The following EDIL3 variants were observed in gnomAD, a reference collection of about 807,000 sequenced individuals.
EDIL3 encodes EGF-like repeat and discoidin I-like domain-containing protein 3.
Under a neutral mutation model 67.4 loss-of-function variants are expected in EDIL3, and 37 were observed. That is an observed-to-expected ratio of 0.55 (90% CI 0.42 to 0.72). EDIL3 has a LOEUF of 0.72. Ranked by LOEUF, EDIL3 falls within the 30% of genes least tolerant of loss-of-function variation. The probability of loss-of-function intolerance (pLI) is 0.00; values close to 1 mark genes in which losing one functional copy is unlikely to be tolerated. For synonymous variants in EDIL3, 195 were observed against 196.3 expected, an observed-to-expected ratio of 0.99 and a Z score of 0.05; for missense variants, 527 against 586.3, an observed-to-expected ratio of 0.90 and a Z score of 1.04.
At chr5:84,212,838 A>C (rs1012898085) in intron 3 of EDIL3, among the ~76,000 whole-genome samples, 33 of 152,182 alleles carry the variant, frequency 2.2e-4, no homozygotes, top group African/African-American at 8.0e-4. Context: ...ATGGAGGGAA[A>C]GGAAAGAATG....
intron 9 of EDIL3, among the ~76,000 whole-genome samples, chr5:83,998,871 G>A (rs1745278724): frequency 6.6e-6 from 1 of 152,166 alleles, no homozygotes; most frequent in Admixed American, 6.5e-5. Context: ...ACCCAGCACT[G>A]TCCCAGTGGT....
intron 5 of EDIL3, among the ~76,000 whole-genome samples, chr5:84,110,665 G>T (rs1232612534): frequency 2.0e-5 from 3 of 152,180 alleles, no homozygotes; most frequent in Non-Finnish European, 4.4e-5. Context: ...TAGAAAAATT[G>T]TGAGGATGGA....
intron 4 of EDIL3, among the ~76,000 whole-genome samples, chr5:84,176,210 T>TATATA (rs1257501977): frequency 3.7e-4 from 14 of 37,792 alleles, no homozygotes; most frequent in Admixed American, 1.1e-3. Flanking sequence ...TATATATATA[T>TATATA]ATATATATAT....
chr5:83,957,365 C>T (rs1019174345), intron 10 of EDIL3, among the ~76,000 whole-genome samples: 3 of 151,638 alleles, frequency 2.0e-5, no homozygotes, highest in African/African-American at 7.3e-5. Context: ...GTTTCTCACC[C>T]AGATCAAATT....
At chr5:84,190,148 T>C (rs1298306305) in intron 3 of EDIL3, among the ~76,000 whole-genome samples, 1 of 152,024 alleles carries the variant, frequency 6.6e-6, no homozygotes, top group African/African-American at 2.4e-5. Context: ...TTATTTTTCC[T>C]GATGGCCTTC....
chr5:83,945,067 G>A (rs1182796338), intron 10 of EDIL3, among the ~76,000 whole-genome samples: 2 of 151,938 alleles, frequency 1.3e-5, no homozygotes, highest in African/African-American at 4.8e-5. Flanking sequence ...TAGGCAGTAC[G>A]GCACTGATTA....
chr5:84,022,869 C>T (rs1352244956), intron 9 of EDIL3, among the ~76,000 whole-genome samples: 2 of 151,856 alleles, frequency 1.3e-5, no homozygotes. Flanking sequence ...CAACAATGTA[C>T]TATATATTTC....
intron 1 of EDIL3, among the ~76,000 whole-genome samples, chr5:84,342,484 G>A (rs146689126): frequency 1.7e-3 from 251 of 152,114 alleles, no homozygotes; most frequent in African/African-American, 5.6e-3. Flanking sequence ...TTATTCCACT[G>A]ATGGATACTC....
intron 1 of EDIL3, among the ~76,000 whole-genome samples, chr5:84,382,534 A>T (rs979394386): frequency 3.9e-5 from 6 of 152,174 alleles, no homozygotes; most frequent in Admixed American, 6.5e-5. Context: ...AATGCGAGTG[A>T]GTGGGTGAGT....
chr5:84,073,862 G>C lies in EDIL3; in HGVS notation c.652-7256C>G, dbSNP rs565916638. ...GAAAAAACTACTTTAAAGTTCATATGGAACCAAAAAAGAGCCTGCATTGCC... is the reference window on the plus strand; with the variant it reads ...GAAAAAACTACTTTAAAGTTCATATCGAACCAAAAAAGAGCCTGCATTGCC... On this transcript the variant is annotated intron_variant, in intron 6 of 10. Coordinates refer to ENST00000296591, the MANE Select transcript of EDIL3 (RefSeq NM_005711.5). Among the ~76,000 whole-genome samples the C allele has an allele frequency of 5.6e-4, 85 of 152,148 alleles. 1 individual carries two copies. Among genetic ancestry groups the C allele is most frequent in the African/African-American group, 1.9e-3 (80 of 41,496 alleles).
chr5:83,959,829 CAA>C (rs1462261944), intron 10 of EDIL3, among the ~76,000 whole-genome samples: 1 of 150,130 alleles, frequency 6.7e-6, no homozygotes, highest in African/African-American at 2.4e-5. Flanking sequence ...AATAATAAAG[CAA>C]AAGAGTTATT....
At chr5:84,018,009 T>C (rs1745640121) in intron 9 of EDIL3, among the ~76,000 whole-genome samples, 1 of 152,144 alleles carries the variant, frequency 6.6e-6, no homozygotes, top group Non-Finnish European at 1.5e-5. Flanking sequence ...ATCATGGACA[T>C]GACCTTTCTT....
At chr5:84,093,823 C>T (rs1747211394) in intron 6 of EDIL3, among the ~76,000 whole-genome samples, 1 of 151,922 alleles carries the variant, frequency 6.6e-6, no homozygotes, top group Non-Finnish European at 1.5e-5. Context: ...CCACAACCGG[C>T]TAATTTCTGT....
intron 4 of EDIL3, among the ~76,000 whole-genome samples, chr5:84,163,714 C>A (rs779118364): frequency 6.6e-6 from 1 of 151,898 alleles, no homozygotes; most frequent in Non-Finnish European, 1.5e-5. Context: ...CTTTTATAGA[C>A]AGAAAAATGC....
intron 9 of EDIL3, among the ~76,000 whole-genome samples, chr5:84,041,569 ATATATATGTATATAC>A (rs1396739992): frequency 2.2e-5 from 3 of 134,276 alleles, no homozygotes; most frequent in Admixed American, 7.4e-5. Context: ...CATATATAGT[ATATATATGTATATAC>A]TATATATGTA....
chr5:83,947,086 C>T (rs1010865176), intron 10 of EDIL3, among the ~76,000 whole-genome samples: 19 of 151,804 alleles, frequency 1.3e-4, no homozygotes, highest in African/African-American at 4.1e-4. Context: ...CACTTCATCC[C>T]TCTGGGTTTT....
intron 1 of EDIL3, among the ~76,000 whole-genome samples, chr5:84,321,273 T>A (rs954661912): frequency 3.3e-5 from 5 of 152,138 alleles, no homozygotes; most frequent in Non-Finnish European, 7.4e-5. Context: ...CATTTGTCTT[T>A]ATTTGTGAGG....
intron 9 of EDIL3, among the ~76,000 whole-genome samples, chr5:84,030,115 T>G (rs769125203): frequency 1.3e-5 from 2 of 152,316 alleles, no homozygotes; most frequent in Non-Finnish European, 2.9e-5. Context: ...TAAAAGTCCC[T>G]TTCTAAAACA....
At chr5:83,972,973 A>G (rs944288915) in intron 9 of EDIL3, among the ~76,000 whole-genome samples, 28 of 152,124 alleles carry the variant, frequency 1.8e-4, no homozygotes, top group African/African-American at 6.5e-4. Flanking sequence ...AGTTAGGCTA[A>G]TTATCCAATT....
Sources: allele counts gnomAD v4.1 joint callset (sites outside exome capture counted in the v4.1 genomes callset), GRCh38; gene constraint gnomAD v4.1.1; transcripts MANE v1.5; gene names NCBI Gene and HGNC (gene_info 2026-07-23, HGNC 2026-07-21).